The following GPC6 variants were observed in gnomAD, a reference collection of about 807,000 sequenced individuals.
GPC6 encodes glypican 6.
A neutral mutation model predicts 55.2 loss-of-function variants in GPC6; 14 were observed. The observed-to-expected ratio is 0.25, with a 90% CI of 0.17 to 0.40. The LOEUF (loss-of-function observed/expected upper bound fraction) is 0.40, where lower values mean the gene tolerates loss of function less well. Ranked by LOEUF, GPC6 falls within the 10% of genes least tolerant of loss-of-function variation. The pLI, the probability that GPC6 is intolerant of heterozygous loss-of-function variation, is 1.00. For synonymous variants in GPC6, 278 were observed against 259.6 expected (o/e 1.07, Z -0.68); for missense variants, 641 against 708.5 (o/e 0.90, Z 1.08).
chr13:94,301,559 C>G (rs1875653540), intron 5 of GPC6, among the ~76,000 whole-genome samples: 2 of 152,182 alleles, frequency 1.3e-5, no homozygotes, highest in African/African-American at 4.8e-5. Context: ...ATGTACTTTT[C>G]TAGACACATG....
At chr13:93,762,450 G>T (rs1319135545) in intron 2 of GPC6, among the ~76,000 whole-genome samples, 1 of 152,136 alleles carries the variant, frequency 6.6e-6, no homozygotes, top group East Asian at 1.9e-4. Context: ...TTGACCTGTG[G>T]TCAGTGTAAA....
intron 5 of GPC6, among the ~76,000 whole-genome samples, chr13:94,303,719 C>T (rs1202836380): frequency 6.8e-6 from 1 of 146,482 alleles, no homozygotes; most frequent in Non-Finnish European, 1.5e-5. Flanking sequence ...CAGAAAGCTA[C>T]TAGGCTATAT....
chr13:93,802,745 G>C (rs747796213), intron 2 of GPC6, among the ~76,000 whole-genome samples: 2 of 152,014 alleles, frequency 1.3e-5, no homozygotes, highest in Non-Finnish European at 2.9e-5. Context: ...CATGAAAAAT[G>C]GTATGTCTCT....
At chr13:93,870,885 G>T (rs1566578757) in intron 3 of GPC6, among the ~76,000 whole-genome samples, 1 of 151,862 alleles carries the variant, frequency 6.6e-6, no homozygotes, top group Non-Finnish European at 1.5e-5. Flanking sequence ...CTCCCAAATT[G>T]CTGGGATTAC....
chr13:93,579,184 G>A (rs1876815897), intron 2 of GPC6, among the ~76,000 whole-genome samples: 1 of 152,058 alleles, frequency 6.6e-6, no homozygotes, highest in Non-Finnish European at 1.5e-5. Flanking sequence ...TGATAGGTCA[G>A]TAGAGTCACT....
chr13:93,630,172 A>C (rs1268334266), intron 2 of GPC6, among the ~76,000 whole-genome samples: 1 of 152,248 alleles, frequency 6.6e-6, no homozygotes, highest in South Asian at 2.1e-4. Flanking sequence ...TGCATATGAC[A>C]TAAGCTTAAT....
At chr13:93,832,933 G>A (rs1281091757) in intron 3 of GPC6, among the ~76,000 whole-genome samples, 1 of 152,034 alleles carries the variant, frequency 6.6e-6, no homozygotes, top group African/African-American at 2.4e-5. Context: ...ATTTAACCTT[G>A]GAAAGTTAAC....
chr13:94,353,494 C>A (rs1878651409), intron 6 of GPC6, among the ~76,000 whole-genome samples: 1 of 151,984 alleles, frequency 6.6e-6, no homozygotes, highest in Non-Finnish European at 1.5e-5. Flanking sequence ...CAGCAGAAAG[C>A]CTGTTTGTTC....
Position 94,305,960 on chromosome 13 carries a change from C to G in GPC6, c.1009-20C>G, listed in dbSNP as rs1286729577. On this transcript the variant is annotated intron_variant, in intron 5 of 8. Transcript: ENST00000377047. Reference sequence around the variant, plus strand: ...AAAACTCATTGTATAGCTGTTTTTACTTTTCAATGGTTCTTCCAGGTCTTT... The same window carrying G: ...AAAACTCATTGTATAGCTGTTTTTAGTTTTCAATGGTTCTTCCAGGTCTTT... The G allele has an allele frequency of 6.2e-7, 1 of 1,613,460 alleles. No homozygotes were observed. Among genetic ancestry groups the G allele is most frequent in the Non-Finnish European group, 8.5e-7 (1 of 1,179,396 alleles).
intron 3 of GPC6, among the ~76,000 whole-genome samples, chr13:93,880,295 G>A (rs1171000202): frequency 1.3e-5 from 2 of 151,936 alleles, no homozygotes; most frequent in East Asian, 1.9e-4. Flanking sequence ...ATTCACAATA[G>A]CAAAGACTTG....
chr13:93,964,600 G>T (rs1879937178), intron 3 of GPC6, among the ~76,000 whole-genome samples: 1 of 152,192 alleles, frequency 6.6e-6, no homozygotes, highest in African/African-American at 2.4e-5. Context: ...TGGGATCAAG[G>T]TGTAACTTTG....
At chr13:93,862,943 T>A (rs1888859413) in intron 3 of GPC6, among the ~76,000 whole-genome samples, 1 of 151,662 alleles carries the variant, frequency 6.6e-6, no homozygotes, top group Non-Finnish European at 1.5e-5. Context: ...CTCTGTATTC[T>A]CACTCATAAC....
At chr13:94,305,339 AT>A (rs1217678003) in intron 5 of GPC6, among the ~76,000 whole-genome samples, 1 of 152,194 alleles carries the variant, frequency 6.6e-6, no homozygotes, top group Non-Finnish European at 1.5e-5. Context: ...TTTAATATAT[AT>A]TGTTGATTCA....
intron 4 of GPC6, among the ~76,000 whole-genome samples, chr13:94,281,613 G>T (rs1026047677): frequency 2.0e-5 from 3 of 152,068 alleles, no homozygotes; most frequent in African/African-American, 7.2e-5. Flanking sequence ...TCTAGGGGAA[G>T]GTAAACATTC....
At chr13:94,144,438 CA>C (rs398023998) in intron 4 of GPC6, among the ~76,000 whole-genome samples, 1 of 150,036 alleles carries the variant, frequency 6.7e-6, no homozygotes, top group East Asian at 2.0e-4. Context: ...CACACACACA[CA>C]CACACCAGAA....
At chr13:94,250,785 T>C (rs1289396168) in intron 4 of GPC6, among the ~76,000 whole-genome samples, 1 of 152,108 alleles carries the variant, frequency 6.6e-6, no homozygotes, top group Non-Finnish European at 1.5e-5. Context: ...GAGTGGGTAA[T>C]TGATTAAGCT....
At chr13:93,659,391 A>G (rs1594349487) in intron 2 of GPC6, among the ~76,000 whole-genome samples, 2 of 152,050 alleles carry the variant, frequency 1.3e-5, no homozygotes, top group East Asian at 1.9e-4. Context: ...CTCAATCTGT[A>G]TGAGAATTCT....
intron 2 of GPC6, among the ~76,000 whole-genome samples, chr13:93,630,293 G>A (rs542134458): frequency 6.6e-6 from 1 of 152,282 alleles, no homozygotes; most frequent in African/African-American, 2.4e-5. Flanking sequence ...GGTGAGGCAA[G>A]CTGTGGGTGA....
Position 93,597,027 on chromosome 13 carries a change from A to AAG in GPC6, c.319+51607_319+51608insGA, listed in dbSNP as rs1555315054. ...TCTGGCAAAAAAAAAAAAAAAAAAA[A>AAG]AAAGAAAAGAAAAGACTAGTGTTTC... On this transcript the variant is annotated intron_variant, in intron 2 of 8. Coordinates refer to ENST00000377047, the MANE Select transcript of GPC6 (RefSeq NM_005708.5). Among the ~76,000 whole-genome samples the AAG allele has an allele frequency of 7.2e-4, 106 of 146,982 alleles. 1 individual carries two copies. The highest frequency in any genetic ancestry group is 2.6e-3 in the African/African-American group (100 of 38,700).
Sources: allele counts gnomAD v4.1 joint callset (sites outside exome capture counted in the v4.1 genomes callset), GRCh38; gene constraint gnomAD v4.1.1; transcripts MANE v1.5; gene names NCBI Gene and HGNC (gene_info 2026-07-23, HGNC 2026-07-21).